The following RAB21 variants were observed in gnomAD, a reference collection of about 807,000 sequenced individuals.
The protein encoded by RAB21 is RAB21, member RAS oncogene family, also known as ras-related protein Rab-21.
In RAB21, 13 loss-of-function variants were observed where a neutral mutation model predicts 33.1. That is an observed-to-expected ratio of 0.39 (90% CI 0.26 to 0.62). The LOEUF is 0.62. RAB21 is among the 20% of genes least tolerant of loss of function. The pLI, the probability that RAB21 is intolerant of heterozygous loss-of-function variation, is 0.48. For missense variants in RAB21, 234 were observed against 279.1 expected (o/e 0.84, Z 1.15); for synonymous variants, 91 against 103.7 (o/e 0.88, Z 0.74).
intron 1 of RAB21, 39 bp from the exon 2 acceptor site, chr12:71,769,761 T>C: frequency 9.1e-7 from 1 of 1,104,200 alleles, no homozygotes; most frequent in Non-Finnish European, 1.3e-6. Flanking sequence ...GAACCTTATT[T>C]TATAAGAAAC....
In RAB21 at chr12:71,770,572, G is replaced by A. The variant is rs747028578; in HGVS notation, c.220-20G>A. The A allele has an allele frequency of 6.7e-5, 99 of 1,469,470 alleles. No homozygotes were observed. The highest frequency in any genetic ancestry group is 9.3e-5 in the Non-Finnish European group (98 of 1,049,856). The allele number at this position is 1,469,470 out of a possible 1,614,324, so 91.0% of individuals were successfully genotyped here. ...TTGTATTTTTCTTCTGATCTAATAA[G>A]CATTTGTTGCTTTCTTTAGGATACG... On this transcript the variant is annotated intron_variant, in intron 2 of 6. Coordinates refer to ENST00000261263, the MANE Select transcript of RAB21 (RefSeq NM_014999.4).
Position 71,798,126 on chromosome 12 carries a change from C to G in RAB21, c.*12453C>G, listed in dbSNP as rs908641168. 1 of 152,060 alleles carries G rather than the reference C, an allele frequency of 6.6e-6. No homozygotes were observed. The highest frequency in any genetic ancestry group is 2.4e-5 in the African/African-American group (1 of 41,392). 9.4% of individuals were successfully genotyped at this position (152,060 alleles called of 1,614,324 possible). A position where few individuals can be genotyped will look rare whatever the true frequency, so the allele number is the denominator to read the frequency against. ...TGAGATGGAGTCTCACTCTATTGCC[C>G]AGGCTAGAGGGCAGCGGCATGATCT... On this transcript the variant is annotated 3_prime_UTR_variant, in exon 7 of 7. Coordinates refer to ENST00000261263, the MANE Select transcript of RAB21 (RefSeq NM_014999.4).
At chr12:71,759,455 G>A (rs1268192170) in intron 1 of RAB21, among the ~76,000 whole-genome samples, 3 of 152,216 alleles carry the variant, frequency 2.0e-5, no homozygotes, top group African/African-American at 7.2e-5. Context: ...GACCAGAAGT[G>A]CAATTTTCTG....
chr12:71,762,844 G>C (rs1343919310), intron 1 of RAB21, among the ~76,000 whole-genome samples: 1 of 152,090 alleles, frequency 6.6e-6, no homozygotes, highest in Non-Finnish European at 1.5e-5. Flanking sequence ...GCCTCCCAAA[G>C]TGTTGGGATT....
chr12:71,770,194 T>C (rs1443055905), intron 2 of RAB21, among the ~76,000 whole-genome samples: 3 of 152,114 alleles, frequency 2.0e-5, no homozygotes, highest in Non-Finnish European at 2.9e-5. Flanking sequence ...CAGATACTTC[T>C]TGACTGGTGA....
intron 1 of RAB21, among the ~76,000 whole-genome samples, chr12:71,756,090 T>A (rs1485096290): frequency 1.3e-5 from 2 of 152,156 alleles, no homozygotes; most frequent in East Asian, 3.9e-4. Flanking sequence ...CCCAGAGAAA[T>A]CAGTTTTGAT....
Position 71,782,085 on chromosome 12 carries a change from C to T in RAB21, c.446C>T (p.Ser149Leu), listed in dbSNP as rs1397324992. 2.6e-5 allele frequency: 42 copies of T among 1,606,968 alleles called. No individual in the cohort carries two copies. Among genetic ancestry groups the T allele is most frequent in the Non-Finnish European group, 3.2e-5 (38 of 1,174,212 alleles). ...ERHVSIQEAE[S>L]YAESVGAKHY... ...CATGTTTCCATTCAAGAAGCAGAGTCGTAAGTACTGTGACCCTCCCATTCC... is the reference window on the plus strand; with the variant it reads ...CATGTTTCCATTCAAGAAGCAGAGTTGTAAGTACTGTGACCCTCCCATTCC... Residue 149 changes from serine to leucine, a missense_variant and splice_region_variant, in exon 5 of 7, where the codon TCG becomes TTG. Transcript: ENST00000261263.
At chr12:71,770,187 A>G (rs1300946651) in intron 2 of RAB21, among the ~76,000 whole-genome samples, 1 of 152,016 alleles carries the variant, frequency 6.6e-6, no homozygotes, top group African/African-American at 2.4e-5. Context: ...AATGCAGCAG[A>G]TACTTCTTGA....
intron 1 of RAB21, among the ~76,000 whole-genome samples, chr12:71,762,286 GGTTTTGTTTT>G (rs200338487): frequency 9.4e-4 from 142 of 151,344 alleles, no homozygotes; most frequent in African/African-American, 2.3e-3. Flanking sequence ...ACCTAGCTTA[GGTTTTGTTTT>G]GTTTTGTTTT....
At position 71,770,685 on chromosome 12, in the gene RAB21, G is replaced by A. The variant is rs1279260752; in HGVS notation, c.313G>A (p.Asp105Asn). 6.3e-7 allele frequency: 1 copy of A among 1,584,790 alleles called. No individual in the cohort carries two copies. Among genetic ancestry groups the A allele is most frequent in the East Asian group, 2.2e-5 (1 of 44,596 alleles). Residue 105 changes from aspartate (D) to asparagine (N), a missense_variant, in exon 3 of 7, where the codon GAT becomes AAT. Asp to Asn is a conservative substitution (Grantham distance 23). Transcript: ENST00000261263. ...AILVYDITDE[D>N]SFQKVKNWVK... Reference sequence around the variant, plus strand: ...TTTAGTTTATGACATAACAGATGAAGATTCTTTTCAGAAGGTATTCTATTC... The same window carrying A: ...TTTAGTTTATGACATAACAGATGAAAATTCTTTTCAGAAGGTATTCTATTC...
In RAB21 at chr12:71,755,101, T is replaced by C; in HGVS notation, c.-29T>C. On this transcript the variant is annotated 5_prime_UTR_variant, in exon 1 of 7. Transcript: ENST00000261263. ...GGCTGTCGGGAGGGCGGCGCGACAC[T>C]CGGGCTCGGGCGGCCGGGAAGCGAC... 1 of 1,112,754 alleles carries C rather than the reference T, an allele frequency of 9.0e-7. No homozygotes were observed. The highest frequency in any genetic ancestry group is 1.1e-6 in the Non-Finnish European group (1 of 915,096). The allele number at this position is 1,112,754 out of a possible 1,614,324, so 68.9% of individuals were successfully genotyped here.
intron 6 of RAB21, among the ~76,000 whole-genome samples, chr12:71,784,930 C>CA (rs200660575): frequency 0.053 from 7,475 of 140,586 alleles, 246 homozygotes; most frequent in South Asian, 0.11. Context: ...CCATCTCTAG[C>CA]AAAAAAAAAA....
At chr12:71,760,241 A>T (rs1482243304) in intron 1 of RAB21, among the ~76,000 whole-genome samples, 1 of 152,094 alleles carries the variant, frequency 6.6e-6, no homozygotes, top group Non-Finnish European at 1.5e-5. Flanking sequence ...TCCGGAATTC[A>T]CTTTCTTTTT....
rs369714985 is a variant in RAB21 at position 71,785,900 on chromosome 12, G to GTTTTTTTTTTTT, written c.*236_*237insTTTTTTTTTTTT. The GTTTTTTTTTTTT allele has an allele frequency of 2.6e-5, 9 of 342,774 alleles. No homozygotes were observed. The highest frequency in any genetic ancestry group is 1.5e-4 in the East Asian group (2 of 13,070). The allele number at this position is 342,774 out of a possible 1,614,324, so 21.2% of individuals were successfully genotyped here. On this transcript the variant is annotated 3_prime_UTR_variant, in exon 7 of 7. Transcript: ENST00000261263. ...AAATGTTTTTTTTTGTTTTTTTTTTGTTTTTTTTTGTTTTTTTTTGAGACG... is the reference window on the plus strand; with the variant it reads ...AAATGTTTTTTTTTGTTTTTTTTTTGTTTTTTTTTTTTTTTTTTTTTGTTTTTTTTTGAGACG...
At position 71,787,214 on chromosome 12, in the gene RAB21, G is replaced by T. The variant is rs1002437971; in HGVS notation, c.*1541G>T. 2 of 152,106 alleles carry T rather than the reference G, an allele frequency of 1.3e-5. No homozygotes were observed. The highest frequency in any genetic ancestry group is 1.9e-4 in the East Asian group (1 of 5,194). The allele number at this position is 152,106 out of a possible 1,614,324, so 9.4% of individuals were successfully genotyped here. On this transcript the variant is annotated 3_prime_UTR_variant, in exon 7 of 7. Coordinates refer to ENST00000261263, the MANE Select transcript of RAB21 (RefSeq NM_014999.4). ...GTGAACACTGGAAAGATTTATTAAA[G>T]AATTATATTTGTGTATACTTTATAA...
intron 4 of RAB21, among the ~76,000 whole-genome samples, chr12:71,777,628 T>C (rs1883140983): frequency 6.6e-6 from 1 of 152,216 alleles, no homozygotes; most frequent in Non-Finnish European, 1.5e-5. Flanking sequence ...TTGACAAGAA[T>C]TCATTCTTTT....
intron 4 of RAB21, among the ~76,000 whole-genome samples, chr12:71,780,638 A>C (rs1428554299): frequency 6.6e-6 from 1 of 152,176 alleles, no homozygotes; most frequent in Admixed American, 6.5e-5. Flanking sequence ...CCTCTCTCTG[A>C]TTCTTAGGCT....
At chr12:71,772,522 A>G (rs529126667) in intron 3 of RAB21, among the ~76,000 whole-genome samples, 3 of 152,308 alleles carry the variant, frequency 2.0e-5, no homozygotes, top group African/African-American at 4.8e-5. Context: ...GGGGTAAAGA[A>G]TAGATAGAGT....
Position 71,797,240 on chromosome 12 carries a change from T to C in RAB21, c.*11567T>C, listed in dbSNP as rs927070347. ...AAAAGGTAAAGTTAGTATTTGTAGA[T>C]GATAGTGCAAAGCTTAAAAGGGTCA... is the stretch of plus-strand genomic sequence containing the variant. On this transcript the variant is annotated 3_prime_UTR_variant, in exon 7 of 7. Transcript: ENST00000261263. 6.6e-6 allele frequency: 1 copy of C among 152,150 alleles called. No individual in the cohort carries two copies. The highest frequency in any genetic ancestry group is 1.5e-5 in the Non-Finnish European group (1 of 68,010). The allele number at this position is 152,150 out of a possible 1,614,324, so 9.4% of individuals were successfully genotyped here.
Sources: allele counts gnomAD v4.1 joint callset (sites outside exome capture counted in the v4.1 genomes callset), GRCh38; gene constraint gnomAD v4.1.1; transcripts MANE v1.5; gene names NCBI Gene and HGNC (gene_info 2026-07-23, HGNC 2026-07-21).